ZNF559: variants seen among roughly 807,000 people sequenced by gnomAD.
ZNF559 encodes the protein zinc finger protein 559, also known as putative protein product of Nbla00121.
In ZNF559, 17 loss-of-function variants were observed where a neutral mutation model predicts 14.2. The observed-to-expected ratio is 1.20, with a 90% CI of 0.82 to 1.80. The LOEUF (loss-of-function observed/expected upper bound fraction) is 1.80, where lower values mean the gene tolerates loss of function less well. Ranked by LOEUF, ZNF559 falls within the 40% of genes most tolerant of loss-of-function variation. The pLI, the probability that ZNF559 is intolerant of heterozygous loss-of-function variation, is 0.00. For missense variants in ZNF559, 740 were observed against 629.7 expected, an observed-to-expected ratio of 1.18 and a Z score of -1.88; for synonymous variants, 244 against 212.4, an observed-to-expected ratio of 1.15 and a Z score of -1.29.
chr19:9,331,246 G>T (rs2066920855), intron 2 of ZNF559, among the ~76,000 whole-genome samples: 1 of 152,154 alleles, frequency 6.6e-6, no homozygotes, highest in Non-Finnish European at 1.5e-5. Flanking sequence ...AAGAAATAAT[G>T]TGCCACCATG....
At chr19:9,331,620 C>T (rs538078388) in intron 2 of ZNF559, among the ~76,000 whole-genome samples, 1 of 152,146 alleles carries the variant, frequency 6.6e-6, no homozygotes, top group Admixed American at 6.5e-5. Context: ...CTGAGCTGAG[C>T]TGGTTTTGCA....
rs2067712647 is a variant in ZNF559, at chr19:9,345,739, A to G, written c.*2671A>G. 6.6e-6 allele frequency: 1 copy of G among 151,324 alleles called. No individual in the cohort carries two copies. Among genetic ancestry groups the G allele is most frequent in the Non-Finnish European group, 1.5e-5 (1 of 67,852 alleles). The allele number at this position is 151,324 out of a possible 1,614,324, so 9.4% of individuals were successfully genotyped here. A position where few individuals can be genotyped will look rare whatever the true frequency, so the allele number is the denominator to read the frequency against. On this transcript the variant is annotated 3_prime_UTR_variant, in exon 7 of 7. Transcript: ENST00000603380. The stretch of plus-strand genomic sequence containing the variant: ...ACGATCATGTGGTTTTGCAATATTT[A>G]TTGAATTTTGAGAGTTTAAAATTTG...
chr19:9,343,156 A>G lies in ZNF559; in HGVS notation c.*88A>G, dbSNP rs2067656700. The G allele has an allele frequency of 1.3e-6, 2 of 1,527,692 alleles. No individual in the cohort carries two copies. Among genetic ancestry groups the G allele is most frequent in the African/African-American group, 1.4e-5 (1 of 72,622 alleles). The allele number at this position is 1,527,692 out of a possible 1,614,324, so 94.6% of individuals were successfully genotyped here. On this transcript the variant is annotated 3_prime_UTR_variant, in exon 7 of 7. Coordinates refer to ENST00000603380, the MANE Select transcript of ZNF559 (RefSeq NM_032497.3). ...GTACTCATTCATAGTGGCAATGTAC[A>G]CAGTCATAAGGAATGTGGGAAGCCT...
intron 3 of ZNF559, chr19:9,338,150 A>G: frequency 1.3e-6 from 1 of 794,096 alleles, no homozygotes; most frequent in East Asian, 2.7e-5. Context: ...AGATACGAAT[A>G]TTCTGTGGTC....
At chr19:9,325,798 A>G (rs2066557680) in intron 2 of ZNF559, among the ~76,000 whole-genome samples, 1 of 152,178 alleles carries the variant, frequency 6.6e-6, no homozygotes. Context: ...AAAAAAAAAA[A>G]AAAAGTCTTT....
In ZNF559 at chr19:9,342,665, G is replaced by T; in HGVS notation, c.1214G>T (p.Gly405Val). ...SFKSHMQTHP[G>V]VKPYDCQQCG... The stretch of plus-strand genomic sequence containing the variant: ...AAAAGTCACATGCAGACTCATCCTG[G>T]TGTAAAACCCTATGACTGTCAACAG... Residue 405 changes from glycine to valine, a missense_variant, in exon 7 of 7, where the codon GGT becomes GTT. Transcript: ENST00000603380. 6.2e-7 allele frequency: 1 copy of T among 1,614,078 alleles called. No homozygotes were observed. Among genetic ancestry groups the T allele is most frequent in the East Asian group, 2.2e-5 (1 of 44,872 alleles).
chr19:9,343,230 G>C lies in ZNF559; in HGVS notation c.*162G>C, dbSNP rs1286188430. 7.0e-7 allele frequency: 1 copy of C among 1,430,560 alleles called. No homozygotes were observed. Among genetic ancestry groups the C allele is most frequent in the Non-Finnish European group, 9.1e-7 (1 of 1,096,950 alleles). 88.6% of individuals were successfully genotyped at this position (1,430,560 alleles called of 1,614,324 possible). A position where few individuals can be genotyped will look rare whatever the true frequency, so the allele number is the denominator to read the frequency against. On this transcript the variant is annotated 3_prime_UTR_variant, in exon 7 of 7. Transcript: ENST00000603380. ...AATTCCAATAGAAGAGAAGACATATGAATGTAAGGAATGTGGGAAAATCTT... is the reference window on the plus strand; with the variant it reads ...AATTCCAATAGAAGAGAAGACATATCAATGTAAGGAATGTGGGAAAATCTT...
Position 9,345,821 on chromosome 19 carries a change from T to C in ZNF559, c.*2753T>C, listed in dbSNP as rs1024918862. The C allele has an allele frequency of 1.3e-5, 2 of 151,462 alleles. No homozygotes were observed. The highest frequency in any genetic ancestry group is 4.8e-5 in the African/African-American group (2 of 41,330). 9.4% of individuals were successfully genotyped at this position (151,462 alleles called of 1,614,324 possible). Reference sequence around the variant, plus strand: ...TTTGATATTAATACTTTATATTTAATATAATGTACATTTAAATATATAATA... The same window carrying C: ...TTTGATATTAATACTTTATATTTAACATAATGTACATTTAAATATATAATA... On this transcript the variant is annotated 3_prime_UTR_variant, in exon 7 of 7. Coordinates refer to ENST00000603380, the MANE Select transcript of ZNF559 (RefSeq NM_032497.3).
rs201367378 is a variant in ZNF559 at position 9,340,733 on chromosome 19, A to AT, written c.161-353dup. ...AGGTGCATGCCACCTTGCCTGGCTA[A>AT]TTTTTTTTTTTTTTTTGTATTTTAG... On this transcript the variant is annotated intron_variant, in intron 5 of 6. Transcript: ENST00000603380. Among the ~76,000 whole-genome samples, 606 of 124,650 alleles carry AT rather than the reference A, an allele frequency of 4.9e-3. 5 individuals are homozygous for AT. Among genetic ancestry groups the AT allele is most frequent in the Admixed American group, 9.3e-3 (108 of 11,618 alleles). The allele number at this position is 124,650 out of a possible 152,430, so 81.8% of individuals were successfully genotyped here.
Position 9,339,194 on chromosome 19 carries a change from A to C in ZNF559, c.35A>C (p.Asp12Ala). The C allele has an allele frequency of 1.2e-6, 2 of 1,613,788 alleles. No homozygotes were observed. The highest frequency in any genetic ancestry group is 1.7e-6 in the Non-Finnish European group (2 of 1,179,788). ...GCCAGCATGTGTGTGATGGTTTAGG[A>C]CTCAGTGACCTTTGAGGATGTGGCT... ...VAGWLTNYSQ[D>A]SVTFEDVAVD... Residue 12 changes from aspartate to alanine, a missense_variant and splice_region_variant, in exon 5 of 7, where the codon GAC becomes GCC. Asp to Ala is a moderately radical substitution (Grantham distance 126). Coordinates refer to ENST00000603380, the MANE Select transcript of ZNF559 (RefSeq NM_032497.3).
Position 9,341,171 on chromosome 19 carries a change from G to A in ZNF559, c.230G>A (p.Ser77Asn), listed in dbSNP as rs2067560600. 2 of 1,613,818 alleles carry A rather than the reference G, an allele frequency of 1.2e-6. No homozygotes were observed. The highest frequency in any genetic ancestry group is 1.3e-5 in the African/African-American group (1 of 74,902). ...QQNFLQGKTS[S>N]VVEMERNHFG... is the part of the protein sequence containing the mutation. ...AATTTTTTGCAGGGGAAAACATCCAGTGTGGTGGAAATGGTAAGATTCAGA... is the reference window on the plus strand; with the variant it reads ...AATTTTTTGCAGGGGAAAACATCCAATGTGGTGGAAATGGTAAGATTCAGA... Residue 77 changes from serine (S) to asparagine (N), a missense_variant, in exon 6 of 7, where the codon AGT becomes AAT. Transcript: ENST00000603380.
chr19:9,325,553 G>A, intron 2 of ZNF559, among the ~76,000 whole-genome samples: 1 of 152,164 alleles, frequency 6.6e-6, no homozygotes, highest in East Asian at 1.9e-4. Flanking sequence ...AGCATGTTGG[G>A]AGGCTGAGGC....
At chr19:9,334,709 T>G (rs1396892478) in intron 2 of ZNF559, among the ~76,000 whole-genome samples, 1 of 152,204 alleles carries the variant, frequency 6.6e-6, no homozygotes, top group African/African-American at 2.4e-5. Flanking sequence ...AATTCAGATG[T>G]CATTTCCAGG....
rs980757156 is a variant in ZNF559 at position 9,338,427 on chromosome 19, T to A, written c.-56-67T>A. 33 of 1,221,676 alleles carry A rather than the reference T, an allele frequency of 2.7e-5. No individual in the cohort carries two copies. The Middle Eastern group carries it at 1.0e-3, about 38-fold the overall frequency. The allele number at this position is 1,221,676 out of a possible 1,614,324, so 75.7% of individuals were successfully genotyped here. On this transcript the variant is annotated intron_variant, in intron 3 of 6. Transcript: ENST00000603380. ...CCACTTAGCATTAGTATGAGGTGGC[T>A]TCTTGCCTTGTGAGTATGGAAGCTA...
Position 9,324,714 on chromosome 19 carries a change from C to T in ZNF559, c.-186C>T, listed in dbSNP as rs1289444963. 10 of 1,535,026 alleles carry T rather than the reference C, an allele frequency of 6.5e-6. No homozygotes were observed. Among genetic ancestry groups the T allele is most frequent in the African/African-American group, 1.4e-5 (1 of 72,674 alleles). ...TATAAGGAACAGCATCTCTGCCTTC[C>T]TGTTCACGGTGACCTTCGCTTGGTG... is the stretch of plus-strand genomic sequence containing the variant. On this transcript the variant is annotated 5_prime_UTR_variant, in exon 2 of 7. Coordinates refer to ENST00000603380, the MANE Select transcript of ZNF559 (RefSeq NM_032497.3).
Position 9,341,795 on chromosome 19 carries a change from G to A in ZNF559, c.344G>A (p.Arg115Lys). The A allele has an allele frequency of 6.2e-7, 1 of 1,608,722 alleles. No homozygotes were observed. The highest frequency in any genetic ancestry group is 1.1e-5 in the South Asian group (1 of 89,796). ...CLKTHRRTYF[R>K]KKTCECNQCE... ...AAGACTCACAGGAGAACTTACTTTA[G>A]AAAGAAAACCTGTGAGTGTAATCAA... The change falls in exon 7 of 7, where the codon AGA (arginine) becomes AAA (lysine). Residue 115 changes from arginine (R) to lysine (K), a missense_variant. Physicochemically the swap from Arg to Lys is conservative, Grantham distance 26 (BLOSUM62 2). Transcript: ENST00000603380.
Position 9,341,911 on chromosome 19 carries a change from A to G in ZNF559, c.460A>G (p.Thr154Ala). The G allele has an allele frequency of 6.2e-7, 1 of 1,612,856 alleles. No individual in the cohort carries two copies. The highest frequency in any genetic ancestry group is 1.7e-4 in the Middle Eastern group (1 of 6,052). Residue 154 changes from threonine (T) to alanine (A), a missense_variant, in exon 7 of 7, where the codon ACA becomes GCA. Coordinates refer to ENST00000603380, the MANE Select transcript of ZNF559 (RefSeq NM_032497.3). ...EELPNCNQCETAFSQHLHLVC... is the reference protein window; with the variant it reads ...EELPNCNQCEAAFSQHLHLVC... ...ACTTCCTAACTGTAATCAATGTGAAACAGCCTTCAGCCAACATCTACATCT... is the reference window on the plus strand; with the variant it reads ...ACTTCCTAACTGTAATCAATGTGAAGCAGCCTTCAGCCAACATCTACATCT...
chr19:9,341,795 G>T lies in ZNF559; in HGVS notation c.344G>T (p.Arg115Ile). 6.2e-7 allele frequency: 1 copy of T among 1,608,722 alleles called. No homozygotes were observed. The highest frequency in any genetic ancestry group is 1.1e-5 in the South Asian group (1 of 89,796). The change falls in exon 7 of 7, where the codon AGA becomes ATA. Residue 115 changes from arginine to isoleucine, a missense_variant. Arg to Ile is a moderately conservative substitution (Grantham distance 97). Transcript: ENST00000603380. ...CLKTHRRTYF[R>I]KKTCECNQCE... ...AAGACTCACAGGAGAACTTACTTTA[G>T]AAAGAAAACCTGTGAGTGTAATCAA...
At chr19:9,333,290 T>G (rs2067036070) in intron 2 of ZNF559, among the ~76,000 whole-genome samples, 1 of 152,098 alleles carries the variant, frequency 6.6e-6, no homozygotes, top group South Asian at 2.1e-4. Context: ...ATTTGTAGAG[T>G]TATGCATCCA....
Sources: gnomAD v4.1 joint callset for allele counts (sites outside exome capture counted in the v4.1 genomes callset) on GRCh38, gnomAD v4.1.1 for gene constraint, MANE v1.5 for transcripts, NCBI Gene and HGNC (gene_info 2026-07-23, HGNC 2026-07-21) for gene names.